Variants in EML4 observed in about 807,000 individuals in gnomAD.
EML4 encodes EMAP like 4, also known as echinoderm microtubule-associated protein-like 4.
Under a neutral mutation model 129.0 loss-of-function variants are expected in EML4, and 72 were observed. The ratio of observed to expected loss-of-function variants is 0.56; its 90% confidence interval spans 0.46 to 0.68. The LOEUF (loss-of-function observed/expected upper bound fraction) is 0.68, where lower values mean the gene tolerates loss of function less well. EML4 is among the 30% of genes least tolerant of loss of function. The probability of loss-of-function intolerance (pLI) is 0.00; values close to 1 mark genes in which losing one functional copy is unlikely to be tolerated. For missense variants in EML4, 1,363 were observed against 1,190.6 expected, an observed-to-expected ratio of 1.14 and a Z score of -2.13; for synonymous variants, 532 against 405.0, an observed-to-expected ratio of 1.31 and a Z score of -3.77.
intron 19 of EML4, among the ~76,000 whole-genome samples, chr2:42,324,580 T>C (rs545279760): frequency 3.9e-5 from 6 of 152,274 alleles, no homozygotes; most frequent in African/African-American, 1.2e-4. Flanking sequence ...GATAGCACCA[T>C]TGTACTCCAG....
intron 19 of EML4, among the ~76,000 whole-genome samples, chr2:42,323,691 T>C (rs977239924): frequency 3.3e-5 from 5 of 151,010 alleles, no homozygotes; most frequent in South Asian, 2.1e-4. Context: ...CCCAGCACTT[T>C]GGGAGGCTGG....
chr2:42,218,124 C>T (rs1172912770), intron 1 of EML4, among the ~76,000 whole-genome samples: 8 of 152,126 alleles, frequency 5.3e-5, no homozygotes, highest in Non-Finnish European at 1.0e-4. Context: ...TGCAGCCGCT[C>T]CTCATCACTC....
At chr2:42,292,518 T>C (rs1667703729) in intron 11 of EML4, among the ~76,000 whole-genome samples, 1 of 152,158 alleles carries the variant, frequency 6.6e-6, no homozygotes, top group Admixed American at 6.5e-5. Flanking sequence ...AACCCAGACA[T>C]GAAGGAATGC....
At chr2:42,212,925 C>T (rs1672967158) in intron 1 of EML4, among the ~76,000 whole-genome samples, 1 of 152,158 alleles carries the variant, frequency 6.6e-6, no homozygotes, top group South Asian at 2.1e-4. Context: ...GCCCTGTGTT[C>T]TGTAATCTTG....
intron 6 of EML4, among the ~76,000 whole-genome samples, chr2:42,279,586 T>C (rs955827291): frequency 6.6e-6 from 1 of 152,024 alleles, no homozygotes; most frequent in African/African-American, 2.4e-5. Context: ...GCCTCCCAAG[T>C]AGCTGGGACT....
intron 1 of EML4, among the ~76,000 whole-genome samples, chr2:42,198,456 G>A (rs1273956185): frequency 6.6e-6 from 1 of 152,260 alleles, no homozygotes; most frequent in African/African-American, 2.4e-5. Flanking sequence ...TGTAATCCCA[G>A]CACTTTGGGA....
chr2:42,182,551 T>C (rs898169672), intron 1 of EML4, among the ~76,000 whole-genome samples: 15 of 152,256 alleles, frequency 9.9e-5, no homozygotes, highest in Non-Finnish European at 1.5e-4. Flanking sequence ...CCTTGATAGC[T>C]TTAGGACTGA....
At chr2:42,325,602 T>TTTTA (rs1286364147) in intron 20 of EML4, 48 bp downstream of exon 20, 7 of 129,320 alleles carry the variant, frequency 5.4e-5, no homozygotes, top group African/African-American at 1.5e-4. Context: ...ATGATTATAT[T>TTTTA]TATATATATA....
chr2:42,284,836 A>G lies in EML4; in HGVS notation c.1011+133A>G, dbSNP rs1242848724. On this transcript the variant is annotated intron_variant, in intron 9 of 22. Coordinates refer to ENST00000318522, the MANE Select transcript of EML4 (RefSeq NM_019063.5). ...GTACTGAGGAATTTCTAGTATAAGC[A>G]TGGAAAAAACATTAGGATATAAGAA... 1.3e-5 allele frequency: 7 copies of G among 552,250 alleles called. No homozygotes were observed. In the African/African-American group the frequency reaches 1.4e-4, roughly 11 times the overall value. 34.2% of individuals were successfully genotyped at this position (552,250 alleles called of 1,614,324 possible).
At chr2:42,247,328 T>C (rs1431963579) in intron 2 of EML4, among the ~76,000 whole-genome samples, 2 of 152,126 alleles carry the variant, frequency 1.3e-5, no homozygotes, top group Non-Finnish European at 1.5e-5. Context: ...GAATGCATGT[T>C]TGAAATGGTT....
At chr2:42,270,619 A>G (rs1438676938) in intron 6 of EML4, among the ~76,000 whole-genome samples, 3 of 152,246 alleles carry the variant, frequency 2.0e-5, no homozygotes, top group African/African-American at 7.2e-5. Context: ...CGATAAAGAT[A>G]TATAATAGCG....
intron 1 of EML4, chr2:42,207,947 A>C (rs1672657089): frequency 6.6e-6 from 1 of 152,218 alleles, no homozygotes; most frequent in Admixed American, 6.5e-5. Context: ...GGTAATTGAG[A>C]GTCCTGAAAA....
chr2:42,179,437 G>T (rs937650719), intron 1 of EML4, among the ~76,000 whole-genome samples: 5 of 152,118 alleles, frequency 3.3e-5, no homozygotes, highest in African/African-American at 7.2e-5. Flanking sequence ...TTGGCATGTG[G>T]ATGGTGGTAA....
At chr2:42,218,156 C>G (rs1673321582) in intron 1 of EML4, among the ~76,000 whole-genome samples, 1 of 152,092 alleles carries the variant, frequency 6.6e-6, no homozygotes, top group South Asian at 2.1e-4. Context: ...TACGCTTTGC[C>G]TTCTGTCAGA....
intron 1 of EML4, among the ~76,000 whole-genome samples, chr2:42,214,869 G>C (rs1334170485): frequency 6.6e-5 from 10 of 152,088 alleles, no homozygotes; most frequent in Admixed American, 6.5e-4. Context: ...AACAGTCTTA[G>C]ATTCTGCAAG....
At chr2:42,232,200 A>G (rs1284741207) in intron 1 of EML4, among the ~76,000 whole-genome samples, 2 of 152,206 alleles carry the variant, frequency 1.3e-5, no homozygotes, top group Non-Finnish European at 2.9e-5. Context: ...GAAGAAAGAA[A>G]TGGCCAGGGT....
rs768646850 is a variant in EML4, at chr2:42,303,409, C to G, written c.1862C>G (p.Ser621Ter). 2 of 1,613,860 alleles carry G rather than the reference C, an allele frequency of 1.2e-6. No homozygotes were observed. Among genetic ancestry groups the G allele is most frequent in the Non-Finnish European group, 1.7e-6 (2 of 1,179,976 alleles). ...GACAGGCAGGTGTGCCTGTGGAACT[C>G]AATGGAACACAGGCTGGAATGGACC... ...AQDRQVCLWN[S>*]MEHRLEWTRL... Residue 621 changes from serine (S) to a stop codon, truncating the protein, a stop_gained, in exon 16 of 23, where the codon TCA becomes TGA. Transcript: ENST00000318522. LOFTEE classifies it high-confidence loss of function.
intron 2 of EML4, among the ~76,000 whole-genome samples, chr2:42,247,607 AGACTT>A (rs941255026): frequency 1.3e-5 from 2 of 152,198 alleles, no homozygotes; most frequent in Non-Finnish European, 2.9e-5. Flanking sequence ...GTTTGGCAAA[AGACTT>A]GATAAAAACC....
chr2:42,171,333 G>C (rs11902328), intron 1 of EML4, among the ~76,000 whole-genome samples: 1 of 152,044 alleles, frequency 6.6e-6, no homozygotes, highest in African/African-American at 2.4e-5. Context: ...TCCTGTAGGA[G>C]TGGTGAGATC....
Sources: allele counts gnomAD v4.1 joint callset (sites outside exome capture counted in the v4.1 genomes callset), GRCh38; gene constraint gnomAD v4.1.1; transcripts MANE v1.5; gene names NCBI Gene and HGNC (gene_info 2026-07-23, HGNC 2026-07-21).